The following PIGV variants were observed in gnomAD, a reference collection of about 807,000 sequenced individuals.
PIGV encodes phosphatidylinositol glycan anchor biosynthesis class V, also known as GPI alpha-1,6-mannosyltransferase 2.
PIGV carries 27 observed loss-of-function variants against 39.2 expected under a neutral mutation model. That is an observed-to-expected ratio of 0.69 (90% CI 0.51 to 0.95). The LOEUF (loss-of-function observed/expected upper bound fraction) is 0.95, where lower values mean the gene tolerates loss of function less well. Ranked by LOEUF, PIGV falls within the 40% of genes least tolerant of loss-of-function variation. PIGV has a pLI of 0.00. For missense variants in PIGV, 523 were observed against 586.4 expected (o/e 0.89, Z 1.12); for synonymous variants, 232 against 241.7 (o/e 0.96, Z 0.37).
At position 26,788,085 on chromosome 1, in the gene PIGV, A is replaced by G. The variant is rs2081260061; in HGVS notation, c.-241A>G. 6.6e-6 allele frequency: 1 copy of G among 152,276 alleles called. No individual in the cohort carries two copies. The highest frequency in any genetic ancestry group is 6.5e-5 in the Admixed American group (1 of 15,284). 9.4% of individuals were successfully genotyped at this position (152,276 alleles called of 1,614,324 possible). A position where few individuals can be genotyped will look rare whatever the true frequency, so the allele number is the denominator to read the frequency against. On this transcript the variant is annotated 5_prime_UTR_variant, in exon 1 of 4. It removes an upstream start codon present in the reference 5' UTR. Coordinates refer to ENST00000674202, the MANE Select transcript of PIGV (RefSeq NM_017837.4). ...GTTCTGGCGGGAGGGAAGCTGTCAA[A>G]TGGAAGCCGGTAGAAATGAGACAGA...
intron 3 of PIGV, among the ~76,000 whole-genome samples, chr1:26,795,830 G>T (rs1379301032): frequency 6.6e-6 from 1 of 150,586 alleles, no homozygotes; most frequent in African/African-American, 2.4e-5. Context: ...GCTATTTTGA[G>T]ATTTATTTTA....
chr1:26,790,951 TAAG>T, intron 2 of PIGV, 58 bp downstream of exon 2: 1 of 1,386,202 alleles, frequency 7.2e-7, no homozygotes, highest in Non-Finnish European at 1.0e-6. Flanking sequence ...GACTAGGCAG[TAAG>T]AAGTGTCCCC....
intron 2 of PIGV, among the ~76,000 whole-genome samples, chr1:26,793,021 G>T (rs1188720254): frequency 6.6e-6 from 1 of 152,176 alleles, no homozygotes; most frequent in East Asian, 1.9e-4. Flanking sequence ...ACATTCTTCA[G>T]CCTACCTATG....
chr1:26,790,135 T>TC (rs2081291784), intron 1 of PIGV, among the ~76,000 whole-genome samples: 1 of 152,178 alleles, frequency 6.6e-6, no homozygotes, highest in South Asian at 2.1e-4. Context: ...TTCTTTTCCT[T>TC]CCCCACTTAA....
chr1:26,789,423 C>G (rs1006099346), intron 1 of PIGV, among the ~76,000 whole-genome samples: 3 of 152,218 alleles, frequency 2.0e-5, no homozygotes, highest in African/African-American at 7.2e-5. Flanking sequence ...CCTGTGGCTT[C>G]TGTGACTTTG....
In PIGV at chr1:26,790,776, A is replaced by G; in HGVS notation, c.-40A>G. On this transcript the variant is annotated 5_prime_UTR_variant, in exon 2 of 4. Coordinates refer to ENST00000674202, the MANE Select transcript of PIGV (RefSeq NM_017837.4). ...GGGTTTAGAGGCCTGAGGGAGCTCAATCCTGGTAGCAACACCCCTGAATTC... is the reference window on the plus strand; with the variant it reads ...GGGTTTAGAGGCCTGAGGGAGCTCAGTCCTGGTAGCAACACCCCTGAATTC... The G allele has an allele frequency of 6.5e-7, 1 of 1,549,806 alleles. No individual in the cohort carries two copies. Among genetic ancestry groups the G allele is most frequent in the South Asian group, 1.1e-5 (1 of 89,738 alleles).
rs1265044679 is a variant in PIGV at position 26,790,853 on chromosome 1, G to A, written c.38G>A (p.Arg13Lys). ...PQDPSRKEVL[R>K]FAVSCRILTL... ...GACCCATCCCGGAAGGAGGTGCTGA[G>A]GTTTGCAGTCAGCTGCCGTATCCTG... Residue 13 changes from arginine to lysine, a missense_variant, in exon 2 of 4, where the codon AGG becomes AAG. Coordinates refer to ENST00000674202, the MANE Select transcript of PIGV (RefSeq NM_017837.4). The A allele has an allele frequency of 6.2e-7, 1 of 1,614,146 alleles. No homozygotes were observed.
rs551956738 is a variant in PIGV, at chr1:26,790,217, G to A, written c.-57-542G>A. Among the ~76,000 whole-genome samples the A allele has an allele frequency of 2.7e-4, 41 of 152,272 alleles. No homozygotes were observed. The South Asian group carries it at 8.3e-3, about 31-fold the overall frequency. ...GGAGTCATTATGGTCTTCTAGTATG[G>A]TTTTATGCCCCACTTTGGGGACTCT... On this transcript the variant is annotated intron_variant, in intron 1 of 3. Coordinates refer to ENST00000674202, the MANE Select transcript of PIGV (RefSeq NM_017837.4).
In PIGV at chr1:26,798,764, A is replaced by G. The variant is rs1222659978; in HGVS notation, c.*920A>G. ...TTTCCATGTGGCAAAAAGTAAAATA[A>G]TTTTAAAAAGTTAAAATAATATAAA... On this transcript the variant is annotated 3_prime_UTR_variant, in exon 4 of 4. Transcript: ENST00000674202. 6.6e-6 allele frequency among the ~76,000 whole-genome samples: 1 copy of G among 152,244 alleles called. No individual in the cohort carries two copies. The highest frequency in any genetic ancestry group is 6.5e-5 in the Admixed American group (1 of 15,288).
intron 3 of PIGV, among the ~76,000 whole-genome samples, chr1:26,796,795 A>G (rs2081390029): frequency 6.6e-6 from 1 of 152,286 alleles, no homozygotes; most frequent in African/African-American, 2.4e-5. Context: ...CAGGCCCCCA[A>G]TTTCCAGAGG....
rs755310487 is a variant in PIGV, at chr1:26,790,879, ACT to A, written c.67_68del (p.Leu23AspfsTer46). The stretch of plus-strand genomic sequence containing the variant: ...GTTTGCAGTCAGCTGCCGTATCCTG[ACT>A]CTGATGCTGCAGGTCAGTCTCCCAT... ...LRFAVSCRIL[T>X]LMLQALFNAI... On this transcript the variant is annotated frameshift_variant, in exon 2 of 4. Transcript: ENST00000674202. LOFTEE classifies it high-confidence loss of function. 1.4e-5 allele frequency: 22 copies of A among 1,613,442 alleles called. No individual in the cohort carries two copies. The highest frequency in any genetic ancestry group is 1.9e-5 in the Non-Finnish European group (22 of 1,179,626).
intron 2 of PIGV, among the ~76,000 whole-genome samples, chr1:26,793,728 A>G (rs75781975): frequency 6.6e-6 from 1 of 152,006 alleles, no homozygotes; most frequent in South Asian, 2.1e-4. Context: ...CAGCCCCCCC[A>G]AGTAGCTGGG....
Position 26,799,189 on chromosome 1 carries a change from G to A in PIGV, c.*1345G>A, listed in dbSNP as rs2081423895. On this transcript the variant is annotated 3_prime_UTR_variant, in exon 4 of 4. Transcript: ENST00000674202. ...TCAATGAGGGAAAGCAGTAACATCT[G>A]GCAGATAAGGTGCCTGTTGTGCCGT... 6.6e-6 allele frequency among the ~76,000 whole-genome samples: 1 copy of A among 152,182 alleles called. No homozygotes were observed. Among genetic ancestry groups the A allele is most frequent in the Non-Finnish European group, 1.5e-5 (1 of 68,036 alleles).
intron 2 of PIGV, among the ~76,000 whole-genome samples, chr1:26,792,969 A>G (rs2081331624): frequency 6.6e-6 from 1 of 152,254 alleles, no homozygotes; most frequent in African/African-American, 2.4e-5. Flanking sequence ...ACAACTCAGA[A>G]CAATAGAAGG....
rs1343420879 is a variant in PIGV, at chr1:26,794,342, G to A, written c.308G>A (p.Arg103Lys). 8.7e-6 allele frequency: 14 copies of A among 1,614,096 alleles called. No individual in the cohort carries two copies. Among genetic ancestry groups the A allele is most frequent in the Non-Finnish European group, 1.1e-5 (13 of 1,180,046 alleles). ...CTGCTGGTGGGGACTGAACTGTTGA[G>A]ACCCTTACGGGGGTTACTGAGTCTA... is the stretch of plus-strand genomic sequence containing the variant. The part of the protein sequence containing the change: ...LALLVGTELL[R>K]PLRGLLSLRS... Residue 103 changes from arginine (R) to lysine (K), a missense_variant, in exon 3 of 4, where the codon AGA (arginine) becomes AAA (lysine). Coordinates refer to ENST00000674202, the MANE Select transcript of PIGV (RefSeq NM_017837.4).
At chr1:26,797,162 A>G (rs1020332752) in intron 3 of PIGV, among the ~76,000 whole-genome samples, 14 of 152,208 alleles carry the variant, frequency 9.2e-5, no homozygotes, top group Admixed American at 2.6e-4. Flanking sequence ...TGTTCAAGCA[A>G]TGGGTCTTCT....
At chr1:26,797,500 G>A in intron 3 of PIGV, 63 bp from the exon 4 acceptor site, 2 of 1,407,152 alleles carry the variant, frequency 1.4e-6, no homozygotes, top group South Asian at 2.3e-5. Context: ...TCCCCGGGCT[G>A]GTCCAATTTG....
upstream of PIGV, chr1:26,787,940 G>A (rs1455864807): frequency 6.6e-6 from 1 of 152,388 alleles, no homozygotes; most frequent in African/African-American, 2.4e-5. Flanking sequence ...GCCGTCGGCG[G>A]AGCCAGCGCG....
intron 1 of PIGV, chr1:26,788,949 G>C (rs1016081522): frequency 3.3e-5 from 5 of 152,200 alleles, no homozygotes; most frequent in African/African-American, 1.2e-4. Flanking sequence ...CAAAGTGTGG[G>C]CTACACACAT....
Sources: allele counts gnomAD v4.1 joint callset (sites outside exome capture counted in the v4.1 genomes callset), GRCh38; gene constraint gnomAD v4.1.1; transcripts MANE v1.5; gene names NCBI Gene and HGNC (gene_info 2026-07-23, HGNC 2026-07-21).